The following SMPD3 variants were observed in gnomAD, a reference collection of about 807,000 sequenced individuals.
SMPD3 encodes the protein sphingomyelin phosphodiesterase 3, also known as nSMase-2.
A neutral mutation model predicts 55.7 loss-of-function variants in SMPD3; 21 were observed. The observed-to-expected ratio is 0.38, with a 90% CI of 0.27 to 0.54. The LOEUF (loss-of-function observed/expected upper bound fraction) is 0.54, where lower values mean the gene tolerates loss of function less well. SMPD3 is among the 20% of genes least tolerant of loss of function. SMPD3 has a pLI of 0.80. For missense variants in SMPD3, 842 were observed against 899.6 expected (o/e 0.94, Z 0.82); for synonymous variants, 457 against 404.3 (o/e 1.13, Z -1.56).
intron 6 of SMPD3, 76 bp from the exon 7 acceptor site, chr16:68,363,635 T>C (rs1597586337): frequency 6.8e-7 from 1 of 1,475,008 alleles, no homozygotes; most frequent in Admixed American, 1.7e-5. Flanking sequence ...CCTCTGTGGG[T>C]GGACACGGGC....
intron 2 of SMPD3, among the ~76,000 whole-genome samples, chr16:68,375,167 G>C (rs1360554869): frequency 6.6e-6 from 1 of 152,166 alleles, no homozygotes; most frequent in East Asian, 1.9e-4. Context: ...CCCACCACCA[G>C]TGTGCAGCGG....
intron 1 of SMPD3, among the ~76,000 whole-genome samples, chr16:68,424,231 C>T (rs2090418145): frequency 6.6e-6 from 1 of 151,924 alleles, no homozygotes; most frequent in Non-Finnish European, 1.5e-5. Context: ...CCTGTGTATA[C>T]ATGGCAGGAT....
At chr16:68,435,006 T>A (rs1476783128) in intron 1 of SMPD3, among the ~76,000 whole-genome samples, 1 of 152,190 alleles carries the variant, frequency 6.6e-6, no homozygotes, top group Non-Finnish European at 1.5e-5. Context: ...ATGAAGGGAT[T>A]GTCCAGGCCA....
rs531425863 is a variant in SMPD3, at chr16:68,379,231, C to T, written c.-206-6844G>A. Among the ~76,000 whole-genome samples, 12 of 152,230 alleles carry T rather than the reference C, an allele frequency of 7.9e-5. No homozygotes were observed. The South Asian group carries it at 1.4e-3, about 18-fold the overall frequency. On this transcript the variant is annotated intron_variant, in intron 2 of 8. Transcript: ENST00000219334. The stretch of plus-strand genomic sequence containing the variant: ...CTGGTGCCTCTGGCCTGTGCCTTAT[C>T]GGCATCCCTTGGGAGACCACAGTGG...
rs141803457 is a variant in SMPD3, at chr16:68,366,522, T to C, written c.1324-1430A>G. On this transcript the variant is annotated intron_variant, in intron 3 of 8. Transcript: ENST00000219334. ...AATGGCTCTGTGAGATCACGCAGCA[T>C]TGATGGTTCTGCTGCAAAAACAAAA... is the stretch of plus-strand genomic sequence containing the variant. Among the ~76,000 whole-genome samples, 23 of 152,320 alleles carry C rather than the reference T, an allele frequency of 1.5e-4. No homozygotes were observed. The East Asian group carries it at 4.4e-3, about 29-fold the overall frequency.
At position 68,372,131 on chromosome 16, in the gene SMPD3, G is replaced by A; in HGVS notation, c.51C>T (p.His17=). The change falls in exon 3 of 9, where the codon CAC becomes CAT. Residue 17 remains histidine, a synonymous_variant. Coordinates refer to ENST00000219334, the MANE Select transcript of SMPD3 (RefSeq NM_018667.4). ...PFPNSCLSAL[H]CVSWALIFPC... Reference sequence around the variant, plus strand: ...GAAAGATAAGGGCCCAGGACACACAGTGCAGGGCGGACAGACAGCTGTTAG... The same window carrying A: ...GAAAGATAAGGGCCCAGGACACACAATGCAGGGCGGACAGACAGCTGTTAG... 6.2e-7 allele frequency: 1 copy of A among 1,612,914 alleles called. No individual in the cohort carries two copies. Among genetic ancestry groups the A allele is most frequent in the Non-Finnish European group, 8.5e-7 (1 of 1,179,606 alleles).
At chr16:68,365,238 A>AT in intron 3 of SMPD3, 146 bp from the exon 4 acceptor site, 1 of 756,828 alleles carries the variant, frequency 1.3e-6, no homozygotes, top group African/African-American at 1.7e-5. Context: ...TAGGGACAGG[A>AT]TGTGTCCTGC....
At chr16:68,376,586 C>T (rs554107938) in intron 2 of SMPD3, among the ~76,000 whole-genome samples, 6 of 152,346 alleles carry the variant, frequency 3.9e-5, no homozygotes, top group East Asian at 1.9e-4. Context: ...GTCCCCTTTG[C>T]GAATCCTGGT....
chr16:68,409,500 T>C (rs934544784), intron 1 of SMPD3, among the ~76,000 whole-genome samples: 1 of 152,180 alleles, frequency 6.6e-6, no homozygotes, highest in African/African-American at 2.4e-5. Context: ...ATTTTAACAG[T>C]ACCTAAATAA....
chr16:68,397,766 G>T (rs965314005), intron 1 of SMPD3, among the ~76,000 whole-genome samples: 3 of 152,128 alleles, frequency 2.0e-5, no homozygotes, highest in Admixed American at 2.0e-4. Context: ...CTGGCCTTTT[G>T]CGGGGGCGGG....
At position 68,371,013 on chromosome 16, in the gene SMPD3, C is replaced by CCGACGT; in HGVS notation, c.1163_1168dup (p.Asp388_Val389dup). 6.2e-7 allele frequency: 1 copy of CCGACGT among 1,614,196 alleles called. No individual in the cohort carries two copies. The highest frequency in any genetic ancestry group is 2.2e-5 in the East Asian group (1 of 44,888). On this transcript the variant is annotated inframe_insertion, in exon 3 of 9. Coordinates refer to ENST00000219334, the MANE Select transcript of SMPD3 (RefSeq NM_018667.4). ...GCAGCAGCCCTGGCAGCCGTAGACC[C>CCGACGT]CGACGTCGTACAGGATGTACTCGAA...
chr16:68,414,761 T>C (rs2090326698), intron 1 of SMPD3, among the ~76,000 whole-genome samples: 1 of 152,190 alleles, frequency 6.6e-6, no homozygotes, highest in Admixed American at 6.5e-5. Flanking sequence ...CTGATTTGTG[T>C]TCTACAAAGG....
At chr16:68,397,412 A>G (rs1196122508) in intron 1 of SMPD3, among the ~76,000 whole-genome samples, 1 of 152,208 alleles carries the variant, frequency 6.6e-6, no homozygotes, top group Non-Finnish European at 1.5e-5. Context: ...CCCAGCAGGA[A>G]CCAGGTAGAG....
At chr16:68,373,664 C>T (rs537301272) in intron 2 of SMPD3, among the ~76,000 whole-genome samples, 2 of 152,314 alleles carry the variant, frequency 1.3e-5, no homozygotes, top group Admixed American at 1.3e-4. Context: ...CTGCTGGACC[C>T]CCTGCACCGG....
intron 1 of SMPD3, among the ~76,000 whole-genome samples, chr16:68,401,921 C>T (rs2090209956): frequency 6.6e-6 from 1 of 152,020 alleles, no homozygotes; most frequent in African/African-American, 2.4e-5. Context: ...CCCAGATGAC[C>T]AACAGCGACC....
chr16:68,372,799 A>C (rs2089706735), intron 2 of SMPD3, among the ~76,000 whole-genome samples: 2 of 152,146 alleles, frequency 1.3e-5, no homozygotes, highest in African/African-American at 2.4e-5. Context: ...TTAGAATGAG[A>C]GGGCAGGTGA....
At chr16:68,367,007 C>CAAAAA (rs35797796) in intron 3 of SMPD3, among the ~76,000 whole-genome samples, 1 of 129,514 alleles carries the variant, frequency 7.7e-6, no homozygotes, top group African/African-American at 2.9e-5. Context: ...GACTCTGTCT[C>CAAAAA]AAAAAAAAAA....
At position 68,371,017 on chromosome 16, in the gene SMPD3, C is replaced by T. The variant is rs757669112; in HGVS notation, c.1165G>A (p.Val389Ile). The change falls in exon 3 of 9, where the codon GTC (valine) becomes ATC (isoleucine). Residue 389 changes from valine (V) to isoleucine (I), a missense_variant. This residue lies in a region of SMPD3 where 649 missense variants were observed against 643.6 expected (regional missense o/e 1.01). Coordinates refer to ENST00000219334, the MANE Select transcript of SMPD3 (RefSeq NM_018667.4). The part of the protein sequence containing the change: ...HGYFEYILYD[V>I]GVYGCQGCCS... ...CAGCCCTGGCAGCCGTAGACCCCGA[C>T]GTCGTACAGGATGTACTCGAAGTAG... 4.3e-5 allele frequency: 69 copies of T among 1,614,084 alleles called. No individual in the cohort carries two copies. The highest frequency in any genetic ancestry group is 1.6e-4 in the Middle Eastern group (1 of 6,084).
intron 2 of SMPD3, among the ~76,000 whole-genome samples, chr16:68,372,943 G>T (rs539039067): frequency 2.0e-5 from 3 of 152,216 alleles, no homozygotes; most frequent in African/African-American, 2.4e-5. Flanking sequence ...CAGCAGGGCC[G>T]CAGGGGAGGG....
Sources: gnomAD v4.1 joint callset for allele counts (sites outside exome capture counted in the v4.1 genomes callset) on GRCh38, gnomAD v4.1.1 for gene constraint, gnomAD v4.1.1 regional missense constraint, MANE v1.5 for transcripts, NCBI Gene and HGNC (gene_info 2026-07-23, HGNC 2026-07-21) for gene names.